The following INTS6L variants were observed in gnomAD, a reference collection of about 807,000 sequenced individuals.
The protein encoded by INTS6L is integrator complex subunit 6-like.
INTS6L carries 18 observed loss-of-function variants against 64.7 expected under a neutral mutation model. The observed-to-expected ratio is 0.28, with a 90% confidence interval of 0.19 to 0.41. The LOEUF is 0.41. Ranked by LOEUF, INTS6L falls within the 10% of genes least tolerant of loss-of-function variation. The probability of loss-of-function intolerance (pLI) is 1.00; values close to 1 mark genes in which losing one functional copy is unlikely to be tolerated. For missense variants in INTS6L, 533 were observed against 661.0 expected (o/e 0.81, Z 2.12); for synonymous variants, 227 against 235.9 (o/e 0.96, Z 0.34).
At chrX:135,540,434 A>G (rs1332943989) in intron 2 of INTS6L, among the ~76,000 whole-genome samples, 1 of 111,785 alleles carries the variant, frequency 8.9e-6, no homozygotes, top group African/African-American at 3.3e-5. Context: ...ATTAGTCATC[A>G]TCATGATTAT....
intron 2 of INTS6L, among the ~76,000 whole-genome samples, chrX:135,539,701 A>G (rs781967945): frequency 1.5e-4 from 17 of 112,094 alleles, no homozygotes; most frequent in Non-Finnish European, 3.0e-4. Flanking sequence ...AGAGAAGTGC[A>G]ACTGTTCCTT....
At chrX:135,569,029 T>C (rs1193327410) in intron 9 of INTS6L, among the ~76,000 whole-genome samples, 1 of 112,117 alleles carries the variant, frequency 8.9e-6, no homozygotes, top group Non-Finnish European at 1.9e-5. Context: ...GAGGTGAAAA[T>C]TACTAGTTAC....
intron 2 of INTS6L, among the ~76,000 whole-genome samples, chrX:135,526,571 C>T (rs1384444652): frequency 8.9e-6 from 1 of 111,869 alleles, no homozygotes; most frequent in African/African-American, 3.3e-5. Context: ...TCATTTTGTC[C>T]GTCGGCTTTT....
At chrX:135,539,934 G>C (rs782017775) in intron 2 of INTS6L, among the ~76,000 whole-genome samples, 8 of 111,302 alleles carry the variant, frequency 7.2e-5, no homozygotes, top group Non-Finnish European at 1.1e-4. Context: ...TAACATCAAA[G>C]CTCACTGATC....
chrX:135,551,594 T>C (rs981723440), intron 7 of INTS6L, among the ~76,000 whole-genome samples: 5 of 112,309 alleles, frequency 4.5e-5, no homozygotes, highest in Non-Finnish European at 9.4e-5. Context: ...TCCCAGCATA[T>C]CTGGACTATC....
In INTS6L at chrX:135,547,314, G is replaced by A. The variant is rs189243646; in HGVS notation, c.742+49G>A. The A allele has an allele frequency of 3.0e-4, 341 of 1,135,942 alleles. 6 individuals are homozygous for A. In the East Asian group the frequency reaches 0.01, roughly 34 times the overall value. 93.6% of individuals were successfully genotyped at this position (1,135,942 alleles called of 1,213,427 possible). A position where few individuals can be genotyped will look rare whatever the true frequency, so the allele number is the denominator to read the frequency against. The stretch of plus-strand genomic sequence containing the variant: ...CCTAAAGTGTTATATAGGAGAATGA[G>A]AAGACATTAAATAAATTACTATAGA... On this transcript the variant is annotated intron_variant, in intron 6 of 17. Transcript: ENST00000639893.
chrX:135,580,933 T>G (rs1556534100), intron 16 of INTS6L, 117 bp from the exon 17 acceptor site: 1 of 519,582 alleles, frequency 1.9e-6, no homozygotes, highest in African/African-American at 2.4e-5. Context: ...AATGTTAAAA[T>G]ACAAACTACA....
intron 2 of INTS6L, among the ~76,000 whole-genome samples, chrX:135,543,203 C>T (rs1012035707): frequency 9.0e-6 from 1 of 111,235 alleles, no homozygotes; most frequent in Non-Finnish European, 1.9e-5. Context: ...CATACCACTC[C>T]CCGGATTTAA....
chrX:135,523,133 C>G (rs1329849923), intron 2 of INTS6L, among the ~76,000 whole-genome samples: 2 of 111,400 alleles, frequency 1.8e-5, no homozygotes, highest in African/African-American at 6.6e-5. Flanking sequence ...GCCTGTAATC[C>G]TAGCACTTTG....
chrX:135,574,765 A>AGACT (rs1556529888), intron 13 of INTS6L, among the ~76,000 whole-genome samples: 1 of 111,996 alleles, frequency 8.9e-6, no homozygotes, highest in Non-Finnish European at 1.9e-5. Context: ...CATAGAGACT[A>AGACT]GACTCTTTGA....
chrX:135,570,387 T>C (rs1318869853), intron 10 of INTS6L, 49 bp from the exon 11 acceptor site: 1 of 1,083,204 alleles, frequency 9.2e-7, no homozygotes, highest in Non-Finnish European at 1.2e-6. Context: ...ACTTTGAGTA[T>C]TTTAAGATTT....
Position 135,572,834 on chromosome X carries a change from G to A in INTS6L, c.1418G>A (p.Arg473Gln), listed in dbSNP as rs868970821. The change falls in exon 12 of 18, where the codon CGA (arginine) becomes CAA (glutamine). Residue 473 changes from arginine (R) to glutamine (Q), a missense_variant. Transcript: ENST00000639893. ...LSQQTKLESE[R>Q]ILASVGKKPP... ...TTTTAGACCAAACTAGAGTCAGAAC[G>A]AATACTAGCATCAGTGGGGAAGAAA... 1 of 1,210,877 alleles carries A rather than the reference G, an allele frequency of 8.3e-7. No individual in the cohort carries two copies. The highest frequency in any genetic ancestry group is 1.1e-6 in the Non-Finnish European group (1 of 894,972).
intron 1 of INTS6L, 54 bp from the exon 2 acceptor site, chrX:135,521,187 C>T: frequency 8.5e-7 from 1 of 1,176,068 alleles, no homozygotes; most frequent in Non-Finnish European, 1.2e-6. Flanking sequence ...ACGTTTGTAT[C>T]GCCCTCCCCC....
intron 2 of INTS6L, among the ~76,000 whole-genome samples, chrX:135,536,406 G>A (rs2086053609): frequency 8.9e-6 from 1 of 111,821 alleles, no homozygotes; most frequent in African/African-American, 3.3e-5. Flanking sequence ...TACCTTGGCT[G>A]GGGAAATTAA....
At chrX:135,568,950 T>C (rs1441576471) in intron 9 of INTS6L, among the ~76,000 whole-genome samples, 1 of 112,087 alleles carries the variant, frequency 8.9e-6, no homozygotes, top group East Asian at 2.8e-4. Flanking sequence ...TTCAGCAAAA[T>C]GGATAACACC....
chrX:135,520,985 G>A lies in INTS6L; in HGVS notation c.-8G>A, dbSNP rs1192544483. Reference sequence around the variant, plus strand: ...GAGTGGGGAGCGGAGGCAGGAGTGCGGGGGAAGATGCCCATCCTGCTGTTC... The same window carrying A: ...GAGTGGGGAGCGGAGGCAGGAGTGCAGGGGAAGATGCCCATCCTGCTGTTC... On this transcript the variant is annotated 5_prime_UTR_variant, in exon 1 of 18. Transcript: ENST00000639893. 3 of 1,207,294 alleles carry A rather than the reference G, an allele frequency of 2.5e-6. No homozygotes were observed. Among genetic ancestry groups the A allele is most frequent in the East Asian group, 5.9e-5 (2 of 33,780 alleles).
chrX:135,531,164 A>T (rs1159966416), intron 2 of INTS6L, among the ~76,000 whole-genome samples: 1 of 112,656 alleles, frequency 8.9e-6, no homozygotes, highest in Non-Finnish European at 1.9e-5. Context: ...AGTTACTAAT[A>T]TTCATCCTCT....
intron 2 of INTS6L, among the ~76,000 whole-genome samples, chrX:135,525,678 T>G (rs2085714251): frequency 8.9e-6 from 1 of 112,395 alleles, no homozygotes; most frequent in Admixed American, 9.4e-5. Flanking sequence ...AACTAAGACA[T>G]AACTTTTTCA....
chrX:135,546,798 C>T lies in INTS6L; in HGVS notation c.526C>T (p.Pro176Ser). The T allele has an allele frequency of 3.3e-6, 4 of 1,211,432 alleles. No homozygotes were observed. The highest frequency in any genetic ancestry group is 4.5e-6 in the Non-Finnish European group (4 of 895,365). ...GTTATTTGCCCTGGTGTTGCGTTTG[C>T]CTGGAGTGGCTTCTACCGAACCAGA... is the stretch of plus-strand genomic sequence containing the variant. ...QRLFALVLRL[P>S]GVASTEPEQL... is the part of the protein sequence containing the mutation. The change falls in exon 5 of 18, where the codon CCT becomes TCT. Residue 176 changes from proline to serine, a missense_variant. Pro to Ser is a moderately conservative substitution (Grantham distance 74). Transcript: ENST00000639893.
Sources: allele counts gnomAD v4.1 joint callset (sites outside exome capture counted in the v4.1 genomes callset), GRCh38; gene constraint gnomAD v4.1.1; transcripts MANE v1.5; gene names NCBI Gene and HGNC (gene_info 2026-07-23, HGNC 2026-07-21).